SEC23A: variants seen among roughly 807,000 people sequenced by gnomAD.
SEC23A encodes SEC23 homolog A, COPII component.
In SEC23A, 56 loss-of-function variants were observed where a neutral mutation model predicts 103.7. The observed-to-expected ratio is 0.54, with a 90% confidence interval of 0.44 to 0.67. SEC23A has a LOEUF of 0.67. SEC23A is among the 30% of genes least tolerant of loss of function. The probability of loss-of-function intolerance (pLI) is 0.00; values close to 1 mark genes in which losing one functional copy is unlikely to be tolerated. For synonymous variants in SEC23A, 281 were observed against 293.0 expected (o/e 0.96, Z 0.42); for missense variants, 784 against 936.4 (o/e 0.84, Z 2.12).
chr14:39,058,998 T>C (rs924158517), intron 13 of SEC23A, among the ~76,000 whole-genome samples: 1 of 152,066 alleles, frequency 6.6e-6, no homozygotes, highest in African/African-American at 2.4e-5. Flanking sequence ...AGTGAACACA[T>C]GCAAATTTAC....
Position 39,093,245 on chromosome 14 carries a change from CTG to C in SEC23A, c.222-3_222-2del. ...AAGTTTTGCTCGATAATCCACTTGA[CTG>C]TTTTAAAAAAAAAGAAAAGACATAT... On this transcript the variant is annotated splice_acceptor_variant and splice_polypyrimidine_tract_variant and intron_variant, in intron 2 of 19. Coordinates refer to ENST00000307712, the MANE Select transcript of SEC23A (RefSeq NM_006364.4). LOFTEE classifies it high-confidence loss of function. The C allele has an allele frequency of 6.2e-7, 1 of 1,607,398 alleles. No individual in the cohort carries two copies. Among genetic ancestry groups the C allele is most frequent in the Non-Finnish European group, 8.5e-7 (1 of 1,178,512 alleles).
At position 39,077,227 on chromosome 14, in the gene SEC23A, CAAAAAAAAAAAA is replaced by C. The variant is rs57549556; in HGVS notation, c.829-1146_829-1135del. ...TGGGCAATGGAGCAAGACTCCATCT[CAAAAAAAAAAAA>C]AAAAAAAAAAAAAAAAGAAAGAGGC... On this transcript the variant is annotated intron_variant, in intron 7 of 19. Coordinates refer to ENST00000307712, the MANE Select transcript of SEC23A (RefSeq NM_006364.4). Among the ~76,000 whole-genome samples the C allele has an allele frequency of 1.5e-3, 54 of 36,480 alleles. 1 individual carries two copies. In the Middle Eastern group the frequency reaches 0.2, roughly 135 times the overall value. The allele number at this position is 36,480 out of a possible 152,430, so 23.9% of individuals were successfully genotyped here.
intron 13 of SEC23A, among the ~76,000 whole-genome samples, chr14:39,060,089 A>C (rs1462497724): frequency 2.7e-5 from 4 of 148,342 alleles, no homozygotes; most frequent in Non-Finnish European, 5.9e-5. Flanking sequence ...GTCAAATTTA[A>C]TGTGTGCACA....
rs148228904 is a variant in SEC23A, at chr14:39,079,333, T to C, written c.829-3240A>G. ...TAAAAGATATCCTATGACTTTTACA[T>C]ATGAAAGTATCCTTCTCTGTGTATA... On this transcript the variant is annotated intron_variant, in intron 7 of 19. Transcript: ENST00000307712. Among the ~76,000 whole-genome samples the C allele has an allele frequency of 1.7e-3, 254 of 152,310 alleles. 1 individual carries two copies. Among genetic ancestry groups the C allele is most frequent in the African/African-American group, 5.8e-3 (240 of 41,582 alleles).
rs764739231 is a variant in SEC23A, at chr14:39,040,783, G to T, written c.2091C>A (p.His697Gln). ...APVDDAQEIL[H>Q]SRFPMPRYID... ...TGTATCTTGGCATTGGAAATCTGGAGTGAAGAATTTCCTGTGCATCATCCA... is the reference window on the plus strand; with the variant it reads ...TGTATCTTGGCATTGGAAATCTGGATTGAAGAATTTCCTGTGCATCATCCA... The change falls in exon 18 of 20, where the codon CAC (histidine) becomes CAA (glutamine). Residue 697 changes from histidine to glutamine, a missense_variant. By Grantham distance (24) the His-to-Gln change is conservative. This residue lies in a region of SEC23A where 101 missense variants were observed against 162.2 expected (regional missense o/e 0.62). Coordinates refer to ENST00000307712, the MANE Select transcript of SEC23A (RefSeq NM_006364.4). 6.2e-7 allele frequency: 1 copy of T among 1,614,210 alleles called. No homozygotes were observed. The highest frequency in any genetic ancestry group is 2.2e-5 in the East Asian group (1 of 44,890).
At chr14:39,045,013 T>G (rs552337841) in intron 16 of SEC23A, 150 bp downstream of exon 16, 4 of 703,716 alleles carry the variant, frequency 5.7e-6, no homozygotes, top group Admixed American at 2.4e-5. Flanking sequence ...CATAAATATT[T>G]TAAGCGAATA....
chr14:39,087,640 T>G (rs1887487202), intron 5 of SEC23A: 1 of 152,570 alleles, frequency 6.6e-6, no homozygotes, highest in Non-Finnish European at 1.5e-5. Flanking sequence ...ATGAAAATAA[T>G]GTTATACTAA....
chr14:39,094,829 G>A (rs1333483737), intron 2 of SEC23A: 1 of 588,710 alleles, frequency 1.7e-6, no homozygotes, highest in Non-Finnish European at 3.0e-6. Context: ...TTATGTAGAT[G>A]AGAATAAGGA....
intron 16 of SEC23A, among the ~76,000 whole-genome samples, chr14:39,044,154 A>G (rs1885751707): frequency 6.6e-6 from 1 of 152,220 alleles, no homozygotes; most frequent in Non-Finnish European, 1.5e-5. Flanking sequence ...CCCTAAGAAC[A>G]TGAAGCTGAT....
intron 5 of SEC23A, 44 bp from the exon 6 acceptor site, chr14:39,087,052 C>T (rs1328708541): frequency 1.3e-5 from 14 of 1,116,056 alleles, no homozygotes; most frequent in Non-Finnish European, 1.9e-5. Context: ...ATTACTTTTA[C>T]AAAGATTTAT....
At chr14:39,049,968 C>G (rs941885892) in intron 14 of SEC23A, among the ~76,000 whole-genome samples, 1 of 151,956 alleles carries the variant, frequency 6.6e-6, no homozygotes, top group African/African-American at 2.4e-5. Flanking sequence ...CGGGGTTTCA[C>G]TGTGTTAGCC....
intron 14 of SEC23A, among the ~76,000 whole-genome samples, chr14:39,052,755 T>C (rs8012820): frequency 0.021 from 3,220 of 152,332 alleles, 119 homozygotes; most frequent in African/African-American, 0.074. Flanking sequence ...GTACAACTTA[T>C]TACCTAGAAA....
intron 8 of SEC23A, 47 bp downstream of exon 8, chr14:39,075,887 GA>G (rs1566501726): frequency 1.3e-6 from 2 of 1,509,292 alleles, no homozygotes; most frequent in Non-Finnish European, 9.2e-7. Context: ...GCCAGCAAAT[GA>G]ATACCTGTTT....
At chr14:39,042,994 T>G in intron 16 of SEC23A, 122 bp from the exon 17 acceptor site, 2 of 681,950 alleles carry the variant, frequency 2.9e-6, no homozygotes, top group Non-Finnish European at 4.9e-6. Context: ...TTTATTTTTT[T>G]GGAGAAGGGT....
Position 39,076,018 on chromosome 14 carries a change from C to T in SEC23A, c.904G>A (p.Val302Ile), listed in dbSNP as rs1461135484. ...GPATQGPGMV[V>I]GDELKTPIRS... is the part of the protein sequence containing the mutation. ...ATAGGTGTCTTCAACTCATCTCCAA[C>T]CACCATTCCAGGCCCCTGAGTAGCA... Residue 302 changes from valine to isoleucine, a missense_variant, in exon 8 of 20, where the codon GTT (valine) becomes ATT (isoleucine). By Grantham distance (29) the Val-to-Ile change is conservative. Transcript: ENST00000307712. 1.9e-6 allele frequency: 3 copies of T among 1,613,706 alleles called. No homozygotes were observed. The highest frequency in any genetic ancestry group is 2.2e-5 in the South Asian group (2 of 91,066).
At chr14:39,057,879 T>G (rs1886301974) in intron 13 of SEC23A, among the ~76,000 whole-genome samples, 4 of 152,250 alleles carry the variant, frequency 2.6e-5, no homozygotes, top group Admixed American at 2.6e-4. Context: ...TTCTCATTGG[T>G]CTTTCAATCA....
chr14:39,040,829 C>T lies in SEC23A; in HGVS notation c.2045G>A (p.Arg682His), dbSNP rs749527149. Residue 682 changes from arginine (R) to histidine (H), a missense_variant, in exon 18 of 20, where the codon CGC becomes CAC. By Grantham distance (29) the Arg-to-His change is conservative. This residue lies in a region of SEC23A where 101 missense variants were observed against 162.2 expected (regional missense o/e 0.62). Coordinates refer to ENST00000307712, the MANE Select transcript of SEC23A (RefSeq NM_006364.4). ...YQDMPEYENFRHLLQAPVDDA... is the reference protein window; with the variant it reads ...YQDMPEYENFHHLLQAPVDDA... The stretch of plus-strand genomic sequence containing the variant: ...ATCCACTGGGGCTTGCAGAAGGTGG[C>T]GGAAATTTTCATACTCAGGCATATC... 30 of 1,613,974 alleles carry T rather than the reference C, an allele frequency of 1.9e-5. No individual in the cohort carries two copies. The highest frequency in any genetic ancestry group is 1.8e-4 in the East Asian group (8 of 44,896).
At chr14:39,071,409 G>A (rs1594463563) in intron 9 of SEC23A, among the ~76,000 whole-genome samples, 1 of 152,208 alleles carries the variant, frequency 6.6e-6, no homozygotes. Flanking sequence ...AATTAGCCAG[G>A]CATGGTGCTA....
chr14:39,075,359 C>CA (rs941493051), intron 8 of SEC23A, among the ~76,000 whole-genome samples: 1 of 151,914 alleles, frequency 6.6e-6, no homozygotes, highest in Non-Finnish European at 1.5e-5. Flanking sequence ...TGAAGACTAT[C>CA]AAAAAATACA....
Sources: allele counts gnomAD v4.1 joint callset (sites outside exome capture counted in the v4.1 genomes callset), GRCh38; gene constraint gnomAD v4.1.1; regional missense constraint gnomAD v4.1.1; transcripts MANE v1.5; gene names NCBI Gene and HGNC (gene_info 2026-07-23, HGNC 2026-07-21).